RBL1: variants seen among roughly 807,000 people sequenced by gnomAD.
RBL1 encodes the protein RB transcriptional corepressor like 1, also known as retinoblastoma-like protein 1.
In RBL1, 82 loss-of-function variants were observed where a neutral mutation model predicts 123.0. That is an observed-to-expected ratio of 0.67 (90% CI 0.56 to 0.80). The LOEUF is 0.80. Among genes scored for constraint, RBL1 ranks in the 30% least tolerant of loss-of-function variants. The pLI, the probability that RBL1 is intolerant of heterozygous loss-of-function variation, is 0.00. For synonymous variants in RBL1, 405 were observed against 441.3 expected, an observed-to-expected ratio of 0.92 and a Z score of 1.03; for missense variants, 1,171 against 1,299.6, an observed-to-expected ratio of 0.90 and a Z score of 1.52.
rs544352561 is a variant in RBL1 at position 37,035,779 on chromosome 20, G to A, written c.1904-271C>T. ...GGAGCAAAACATTAAGGACAAAGTA[G>A]AGGTTGAGAGGTAGAATGAAGTGAG... is the stretch of plus-strand genomic sequence containing the variant. On this transcript the variant is annotated intron_variant, in intron 14 of 21. Transcript: ENST00000373664. 2.2e-3 allele frequency among the ~76,000 whole-genome samples: 332 copies of A among 152,304 alleles called. 10 individuals are homozygous for A. The South Asian group carries it at 0.044, about 20-fold the overall frequency.
intron 11 of RBL1, among the ~76,000 whole-genome samples, chr20:37,052,310 C>T (rs1296291859): frequency 2.0e-5 from 3 of 151,894 alleles, no homozygotes; most frequent in Non-Finnish European, 2.9e-5. Flanking sequence ...GGATTACAGG[C>T]GTGAGCCGCC....
rs908525429 is a variant in RBL1 at position 37,074,739 on chromosome 20, C to A, written c.291-6553G>T. On this transcript the variant is annotated intron_variant, in intron 2 of 21. Transcript: ENST00000373664. ...ACTCAGGAGGCTGAGGCACAAGAAT[C>A]GTTGAAACCTGGGAGGCGCAGGTTG... Among the ~76,000 whole-genome samples the A allele has an allele frequency of 2.0e-5, 3 of 151,866 alleles. No homozygotes were observed. The South Asian group carries it at 6.2e-4, about 32-fold the overall frequency.
rs947277807 is a variant in RBL1 at position 37,043,557 on chromosome 20, C to T, written c.1770+529G>A. ...GGGTGTGGTGGTATGTGCCTGTGGT[C>T]TCAGCTACTTGAGAGGCAGAAGGAC... On this transcript the variant is annotated intron_variant, in intron 13 of 21. Transcript: ENST00000373664. 2.6e-5 allele frequency among the ~76,000 whole-genome samples: 4 copies of T among 151,902 alleles called. No individual in the cohort carries two copies. In the East Asian group the frequency reaches 7.7e-4, roughly 29 times the overall value.
At position 37,066,837 on chromosome 20, in the gene RBL1, G is replaced by C; in HGVS notation, c.733C>G (p.Pro245Ala). 6.2e-7 allele frequency: 1 copy of C among 1,613,622 alleles called. No homozygotes were observed. ...CACAGTACAGCAATGATGCAGGGTG[G>C]CTCTTCAGAAGCCGTAAAGTCAGCA... is the stretch of plus-strand genomic sequence containing the variant. The part of the protein sequence containing the change: ...HTADFTASEE[P>A]PCIIAVLCEL... The change falls in exon 6 of 22, where the codon CCA (proline) becomes GCA (alanine). Residue 245 changes from proline to alanine, a missense_variant. Physicochemically the swap from Pro to Ala is conservative, Grantham distance 27. Transcript: ENST00000373664.
chr20:37,089,137 A>G lies in RBL1; in HGVS notation c.157-15T>C, dbSNP rs1347019309. The G allele has an allele frequency of 6.3e-7, 1 of 1,588,026 alleles. No homozygotes were observed. The highest frequency in any genetic ancestry group is 1.2e-5 in the South Asian group (1 of 86,922). On this transcript the variant is annotated splice_polypyrimidine_tract_variant and intron_variant, in intron 1 of 21. Transcript: ENST00000373664. ...GTAACTTCTCCCTGGCAAGCAAAAGACAAACAGCAAAACAGGTATAATATT... is the reference window on the plus strand; with the variant it reads ...GTAACTTCTCCCTGGCAAGCAAAAGGCAAACAGCAAAACAGGTATAATATT...
intron 2 of RBL1, among the ~76,000 whole-genome samples, chr20:37,068,670 A>G (rs531631784): frequency 6.6e-6 from 1 of 152,164 alleles, no homozygotes; most frequent in African/African-American, 2.4e-5. Flanking sequence ...TTTATTCTCT[A>G]TATTACCTAG....
At chr20:37,073,705 G>GAAAAAAA (rs796752326) in intron 2 of RBL1, among the ~76,000 whole-genome samples, 53,297 of 101,596 alleles carry the variant, frequency 0.52, 13,755 homozygotes, top group African/African-American at 0.57. Context: ...CTCAAAAAAA[G>GAAAAAAA]AAAAAAAAAA....
intron 15 of RBL1, among the ~76,000 whole-genome samples, chr20:37,034,543 G>C (rs2064570992): frequency 6.6e-6 from 1 of 151,986 alleles, no homozygotes; most frequent in Non-Finnish European, 1.5e-5. Flanking sequence ...AATTAGCTGG[G>C]AGTGGTGGCA....
intron 2 of RBL1, among the ~76,000 whole-genome samples, chr20:37,069,376 C>A (rs2065242004): frequency 6.6e-6 from 1 of 151,608 alleles, no homozygotes; most frequent in Non-Finnish European, 1.5e-5. Flanking sequence ...CGGCCGCCAT[C>A]CCACCTAGGA....
intron 6 of RBL1, 78 bp downstream of exon 6, chr20:37,066,646 C>T (rs1053836204): frequency 4.6e-5 from 63 of 1,376,346 alleles, no homozygotes; most frequent in Non-Finnish European, 6.1e-5. Context: ...ATGCTGAGAA[C>T]TTGCTTAAAA....
chr20:37,009,286 A>G (rs1031915252), intron 19 of RBL1, among the ~76,000 whole-genome samples: 2 of 152,094 alleles, frequency 1.3e-5, no homozygotes, highest in African/African-American at 4.8e-5. Context: ...GGCCTCCCAA[A>G]GTGCTGGGAT....
intron 9 of RBL1, among the ~76,000 whole-genome samples, chr20:37,057,934 T>C (rs192070403): frequency 1.3e-5 from 2 of 151,958 alleles, no homozygotes; most frequent in Non-Finnish European, 2.9e-5. Context: ...GAGACCAGCC[T>C]GACCAATATG....
intron 2 of RBL1, among the ~76,000 whole-genome samples, chr20:37,086,104 A>G (rs2065541704): frequency 6.6e-6 from 1 of 152,212 alleles, no homozygotes; most frequent in South Asian, 2.1e-4. Context: ...TTTTTTGTTT[A>G]GTTCCCCCAG....
intron 16 of RBL1, 111 bp downstream of exon 16, chr20:37,032,554 A>C (rs2064529921): frequency 2.7e-6 from 4 of 1,493,778 alleles, no homozygotes; most frequent in East Asian, 2.3e-5. Context: ...TAAAATGGTA[A>C]ATTTTGTGTT....
chr20:37,076,215 T>C (rs939155609), intron 2 of RBL1, among the ~76,000 whole-genome samples: 4 of 152,222 alleles, frequency 2.6e-5, no homozygotes, highest in African/African-American at 9.6e-5. Flanking sequence ...ACTCAAGAGA[T>C]GCCTGAAACT....
intron 21 of RBL1, among the ~76,000 whole-genome samples, chr20:37,001,318 AG>A (rs1192431900): frequency 6.6e-6 from 1 of 151,888 alleles, no homozygotes; most frequent in Non-Finnish European, 1.5e-5. Context: ...TGGAATAGAA[AG>A]GGGGGAAAGG....
At chr20:37,054,327 A>G (rs1341807604) in intron 11 of RBL1, among the ~76,000 whole-genome samples, 1 of 151,974 alleles carries the variant, frequency 6.6e-6, no homozygotes. Flanking sequence ...TACTAAAAAT[A>G]CGAAAAAATT....
chr20:37,022,934 A>C (rs1009496099), intron 16 of RBL1, 108 bp from the exon 17 acceptor site: 15 of 814,918 alleles, frequency 1.8e-5, no homozygotes, highest in Non-Finnish European at 2.6e-5. Flanking sequence ...TGATATACTA[A>C]ATTAAATAAA....
chr20:37,073,580 C>G lies in RBL1; in HGVS notation c.291-5394G>C, dbSNP rs893795524. Among the ~76,000 whole-genome samples, 7 of 151,426 alleles carry G rather than the reference C, an allele frequency of 4.6e-5. No individual in the cohort carries two copies. The East Asian group carries it at 1.4e-3, about 30-fold the overall frequency. ...AGACTTGGTAGTGTGCACCTATAGT[C>G]CCAGCTACTCAAGAGGCTGAGGTGG... On this transcript the variant is annotated intron_variant, in intron 2 of 21. Transcript: ENST00000373664.
Sources: gnomAD v4.1 joint callset for allele counts (sites outside exome capture counted in the v4.1 genomes callset) on GRCh38, gnomAD v4.1.1 for gene constraint, MANE v1.5 for transcripts, NCBI Gene and HGNC (gene_info 2026-07-23, HGNC 2026-07-21) for gene names.